The following DENND4A variants were observed in gnomAD, a reference collection of about 807,000 sequenced individuals.
DENND4A encodes DENN domain containing 4A.
A neutral mutation model predicts 199.3 loss-of-function variants in DENND4A; 70 were observed. The ratio of observed to expected loss-of-function variants is 0.35; its 90% confidence interval spans 0.29 to 0.43. The LOEUF (loss-of-function observed/expected upper bound fraction) is 0.43, where lower values mean the gene tolerates loss of function less well. Among genes scored for constraint, DENND4A ranks in the 20% least tolerant of loss-of-function variants. The pLI is 1.00. For synonymous variants in DENND4A, 686 were observed against 766.9 expected, an observed-to-expected ratio of 0.89 and a Z score of 1.74; for missense variants, 1,723 against 2,255.8, an observed-to-expected ratio of 0.76 and a Z score of 4.78.
chr15:65,730,160 T>C (rs1335217810), intron 9 of DENND4A, among the ~76,000 whole-genome samples: 1 of 152,112 alleles, frequency 6.6e-6, no homozygotes, highest in East Asian at 1.9e-4. Flanking sequence ...TTGTGAATAA[T>C]CTTTACTACT....
intron 2 of DENND4A, among the ~76,000 whole-genome samples, chr15:65,760,755 G>T (rs1397958593): frequency 6.6e-6 from 1 of 151,894 alleles, no homozygotes; most frequent in African/African-American, 2.4e-5. Context: ...CAGGCATGAT[G>T]GTGCATGCCT....
intron 14 of DENND4A, among the ~76,000 whole-genome samples, chr15:65,714,722 T>G (rs1467910068): frequency 6.6e-6 from 1 of 152,206 alleles, no homozygotes; most frequent in Non-Finnish European, 1.5e-5. Flanking sequence ...ATGAATGCTC[T>G]TCTCATCCTG....
intron 14 of DENND4A, among the ~76,000 whole-genome samples, chr15:65,709,719 A>AAAAAAAAAATATATATATATAT (rs1218030026): frequency 1.9e-5 from 1 of 51,472 alleles, no homozygotes; most frequent in African/African-American, 1.0e-4. Flanking sequence ...AAAAAAAAAA[A>AAAAAAAAAATATATATATATAT]ATATATATAT....
At position 65,778,051 on chromosome 15, in the gene DENND4A, A is replaced by G. The variant is rs34527114; in HGVS notation, c.-102+13959T>C. Among the ~76,000 whole-genome samples the G allele has an allele frequency of 8.4e-3, 1,280 of 152,242 alleles. 12 individuals carry two copies. Among genetic ancestry groups the G allele is most frequent in the Non-Finnish European group, 0.014 (983 of 68,014 alleles). ...CCGTATCAAAAAAAAAAGGCTGTTA[A>G]GCTGGTATCTTCAGATATTCCTCAG... is the stretch of plus-strand genomic sequence containing the variant. On this transcript the variant is annotated intron_variant, in intron 1 of 32. Coordinates refer to ENST00000443035, the MANE Select transcript of DENND4A (RefSeq NM_001320835.1).
chr15:65,715,916 T>C (rs1450019051), intron 13 of DENND4A, among the ~76,000 whole-genome samples: 1 of 152,122 alleles, frequency 6.6e-6, no homozygotes, highest in African/African-American at 2.4e-5. Context: ...CCTAAAAGCT[T>C]TGCATATTAT....
chr15:65,720,947 T>TATATATATATATATA (rs1555425654), intron 12 of DENND4A, among the ~76,000 whole-genome samples: 1 of 76,234 alleles, frequency 1.3e-5, no homozygotes, highest in African/African-American at 5.3e-5. Flanking sequence ...GTTTCATTGA[T>TATATATATATATATA]TATATATATA....
At chr15:65,775,140 A>T (rs1020006586) in intron 1 of DENND4A, among the ~76,000 whole-genome samples, 2 of 152,128 alleles carry the variant, frequency 1.3e-5, no homozygotes, top group Non-Finnish European at 2.9e-5. Flanking sequence ...GTAAACTAAC[A>T]AACCAACCAC....
At chr15:65,676,141 A>AAAATATATATATATAT (rs1362535499) in intron 24 of DENND4A, among the ~76,000 whole-genome samples, 2 of 110,452 alleles carry the variant, frequency 1.8e-5, no homozygotes, top group African/African-American at 6.1e-5. Flanking sequence ...AATAAGGAAA[A>AAAATATATATATATAT]ATATATATAT....
rs1285979304 is a variant in DENND4A, at chr15:65,675,951, AATT to A, written c.4369+491_4369+493del. ...CATTAATAGGGAAGTCGCTAAAATA[AATT>A]ATAATACATCCACACATGATGTATA... On this transcript the variant is annotated intron_variant, in intron 24 of 32. Transcript: ENST00000443035. 3.9e-5 allele frequency among the ~76,000 whole-genome samples: 6 copies of A among 151,940 alleles called. No individual in the cohort carries two copies. The East Asian group carries it at 7.7e-4, about 20-fold the overall frequency.
chr15:65,747,060 C>T lies in DENND4A; in HGVS notation c.562-5276G>A, dbSNP rs368358570. On this transcript the variant is annotated intron_variant, in intron 4 of 32. Coordinates refer to ENST00000443035, the MANE Select transcript of DENND4A (RefSeq NM_001320835.1). ...GGTGGAGGTTGCAGGGAGCCGAGAT[C>T]GCACCACTACACTCCATCCTGGGTG... 1.0e-4 allele frequency among the ~76,000 whole-genome samples: 15 copies of T among 150,674 alleles called. 1 individual carries two copies. Among genetic ancestry groups the T allele is most frequent in the East Asian group, 7.8e-4 (4 of 5,110 alleles).
chr15:65,722,224 C>G (rs143915614), intron 12 of DENND4A, among the ~76,000 whole-genome samples: 1 of 152,074 alleles, frequency 6.6e-6, no homozygotes, highest in Non-Finnish European at 1.5e-5. Flanking sequence ...GGCTCATGCC[C>G]GTAATCCCAG....
At chr15:65,708,558 C>G (rs536719232) in intron 14 of DENND4A, among the ~76,000 whole-genome samples, 1 of 152,260 alleles carries the variant, frequency 6.6e-6, no homozygotes, top group South Asian at 2.1e-4. Flanking sequence ...ATAAAAATAG[C>G]CGTGCAATAA....
At chr15:65,705,267 C>A (rs539442064) in intron 15 of DENND4A, among the ~76,000 whole-genome samples, 142 of 152,064 alleles carry the variant, frequency 9.3e-4, no homozygotes, top group African/African-American at 3.3e-3. Flanking sequence ...TTGAAAAATC[C>A]TTTTTCAATG....
intron 6 of DENND4A, 98 bp from the exon 7 acceptor site, chr15:65,738,043 G>T (rs1596562382): frequency 1.6e-6 from 2 of 1,214,570 alleles, no homozygotes; most frequent in East Asian, 5.1e-5. Flanking sequence ...TATGAGCCAG[G>T]TGAGAGGCCA....
Position 65,696,377 on chromosome 15 carries a change from C to T in DENND4A, c.3071G>A (p.Gly1024Glu). 2 of 1,612,006 alleles carry T rather than the reference C, an allele frequency of 1.2e-6. No individual in the cohort carries two copies. The highest frequency in any genetic ancestry group is 2.2e-5 in the South Asian group (2 of 90,958). ...ACTATTCAACTTACCCATGCTTTCT[C>T]CTGATATTTTACCAGCACTGTTGTT... ...TSNNSAGKIS[G>E]ESMESTPELL... The change falls in exon 22 of 33, where the codon GGA becomes GAA. Residue 1024 changes from glycine (G) to glutamate (E), a missense_variant. Physicochemically the swap from Gly to Glu is moderately conservative, Grantham distance 98. Around this residue, in one of 6 missense-constraint regions of DENND4A, gnomAD observed 650 missense variants for 738.1 expected, o/e 0.88. Transcript: ENST00000443035.
chr15:65,673,631 A>G (rs910388972), intron 24 of DENND4A, among the ~76,000 whole-genome samples: 10 of 120,274 alleles, frequency 8.3e-5, no homozygotes, highest in African/African-American at 3.4e-4. Flanking sequence ...AACAAGGAGG[A>G]AAAAAAAAAA....
At chr15:65,718,369 C>A (rs1035310570) in intron 12 of DENND4A, among the ~76,000 whole-genome samples, 4 of 152,006 alleles carry the variant, frequency 2.6e-5, no homozygotes, top group Non-Finnish European at 5.9e-5. Flanking sequence ...TTTTTAAGTT[C>A]ATGTTCTAAA....
chr15:65,670,788 T>G (rs1041172237), intron 25 of DENND4A, among the ~76,000 whole-genome samples: 1 of 152,238 alleles, frequency 6.6e-6, no homozygotes, highest in African/African-American at 2.4e-5. Flanking sequence ...TATCATTATG[T>G]TAAGAAAATA....
rs749899568 is a variant in DENND4A at position 65,722,879 on chromosome 15, T to A, written c.1557A>T (p.Thr519=). ...PKKPCKNLMN[T]LNNLHQQLAK... is the part of the protein sequence containing the mutation. ...CCAATTGCTGATGCAAATTATTCAG[T>A]GTGTTCATCAGATTTTTACATGGCT... The change falls in exon 12 of 33, where the codon ACA becomes ACT. Residue 519 remains threonine (T), a synonymous_variant. Coordinates refer to ENST00000443035, the MANE Select transcript of DENND4A (RefSeq NM_001320835.1). 1.9e-6 allele frequency: 3 copies of A among 1,609,082 alleles called. No individual in the cohort carries two copies. Among genetic ancestry groups the A allele is most frequent in the Admixed American group, 3.4e-5 (2 of 59,358 alleles).
Sources: gnomAD v4.1 joint callset for allele counts (sites outside exome capture counted in the v4.1 genomes callset) on GRCh38, gnomAD v4.1.1 for gene constraint, gnomAD v4.1.1 regional missense constraint, MANE v1.5 for transcripts, NCBI Gene and HGNC (gene_info 2026-07-23, HGNC 2026-07-21) for gene names.